The following SCAPER variants were observed in gnomAD, a reference collection of about 807,000 sequenced individuals.
The protein encoded by SCAPER is S phase cyclin A-associated protein in the endoplasmic reticulum.
A neutral mutation model predicts 182.2 loss-of-function variants in SCAPER; 98 were observed. The observed-to-expected ratio is 0.54, with a 90% CI of 0.46 to 0.64. The LOEUF is 0.64. Among genes scored for constraint, SCAPER ranks in the 30% least tolerant of loss-of-function variants. The pLI is 0.00. For missense variants in SCAPER, 1,432 were observed against 1,690.0 expected (o/e 0.85, Z 2.68); for synonymous variants, 605 against 564.6 (o/e 1.07, Z -1.01).
rs548369245 is a variant in SCAPER at position 76,653,636 on chromosome 15, T to G, written c.2645+12017A>C. On this transcript the variant is annotated intron_variant, in intron 21 of 31. Transcript: ENST00000563290. ...GAATTCCCCATTCGATAAATGGTGGTGGAATAACTGAATAGCCATATGCAG... is the reference window on the plus strand; with the variant it reads ...GAATTCCCCATTCGATAAATGGTGGGGGAATAACTGAATAGCCATATGCAG... Among the ~76,000 whole-genome samples the G allele has an allele frequency of 7.2e-5, 11 of 152,212 alleles. No homozygotes were observed. The East Asian group carries it at 2.1e-3, about 29-fold the overall frequency.
intron 21 of SCAPER, among the ~76,000 whole-genome samples, chr15:76,654,538 AC>A (rs2055456245): frequency 6.6e-6 from 1 of 152,228 alleles, no homozygotes; most frequent in Non-Finnish European, 1.5e-5. Context: ...AATTAGTTCA[AC>A]CACTGTGGAA....
chr15:76,652,066 T>C (rs2055096984), intron 21 of SCAPER, among the ~76,000 whole-genome samples: 1 of 149,490 alleles, frequency 6.7e-6, no homozygotes, highest in South Asian at 2.1e-4. Context: ...TTTGATAAAA[T>C]CCAACACCCC....
intron 24 of SCAPER, among the ~76,000 whole-genome samples, chr15:76,487,986 T>C (rs2051828163): frequency 1.3e-5 from 2 of 152,182 alleles, no homozygotes; most frequent in Non-Finnish European, 1.5e-5. Context: ...TGGTCAATGT[T>C]TCTAGACCTT....
At chr15:76,888,097 G>C (rs2073953459) in intron 1 of SCAPER, among the ~76,000 whole-genome samples, 1 of 152,234 alleles carries the variant, frequency 6.6e-6, no homozygotes, top group Non-Finnish European at 1.5e-5. Flanking sequence ...CTGACTGTTA[G>C]AAGGAAAACT....
chr15:76,460,861 T>C (rs1422009825), intron 25 of SCAPER, among the ~76,000 whole-genome samples: 1 of 152,138 alleles, frequency 6.6e-6, no homozygotes, highest in African/African-American at 2.4e-5. Context: ...TCTCTTAGCT[T>C]TCCTTAATGT....
chr15:76,651,132 T>A (rs1267821769), intron 21 of SCAPER, among the ~76,000 whole-genome samples: 1 of 151,394 alleles, frequency 6.6e-6, no homozygotes, highest in African/African-American at 2.4e-5. Context: ...AAATATGAAG[T>A]AAATACAAGT....
chr15:76,675,897 TTAC>T (rs1184130614), intron 20 of SCAPER, among the ~76,000 whole-genome samples: 2 of 152,126 alleles, frequency 1.3e-5, no homozygotes, highest in East Asian at 3.9e-4. Context: ...TGATCTCAGC[TTAC>T]TACAACCTCC....
At chr15:76,890,984 C>T (rs1284605091) in intron 1 of SCAPER, among the ~76,000 whole-genome samples, 1 of 152,214 alleles carries the variant, frequency 6.6e-6, no homozygotes, top group Non-Finnish European at 1.5e-5. Context: ...ATCAAGTCGG[C>T]TTCATCCCTG....
At chr15:76,470,082 T>C (rs766583522) in intron 25 of SCAPER, among the ~76,000 whole-genome samples, 2 of 152,178 alleles carry the variant, frequency 1.3e-5, no homozygotes, top group African/African-American at 2.4e-5. Flanking sequence ...AATGTCAATA[T>C]GTCTGACTGT....
chr15:76,375,108 C>T (rs967803000), intron 29 of SCAPER, among the ~76,000 whole-genome samples: 1 of 149,492 alleles, frequency 6.7e-6, no homozygotes, highest in South Asian at 2.1e-4. Flanking sequence ...GACCCAACTA[C>T]TCAGGAGGCT....
intron 21 of SCAPER, among the ~76,000 whole-genome samples, chr15:76,641,564 C>T (rs750432493): frequency 7.2e-5 from 11 of 152,090 alleles, no homozygotes; most frequent in East Asian, 1.9e-4. Flanking sequence ...CGATGCATTG[C>T]GGGCTGCTGG....
chr15:76,902,657 C>T (rs139293556), intron 1 of SCAPER, among the ~76,000 whole-genome samples: 99 of 152,282 alleles, frequency 6.5e-4, no homozygotes, highest in African/African-American at 2.2e-3. Flanking sequence ...TATTAAACTT[C>T]CCCCTAAATA....
At chr15:76,416,371 C>T (rs999273227) in intron 26 of SCAPER, among the ~76,000 whole-genome samples, 5 of 151,326 alleles carry the variant, frequency 3.3e-5, no homozygotes, top group Non-Finnish European at 7.4e-5. Context: ...TGCTTGTAAT[C>T]CCAGCTACTC....
intron 26 of SCAPER, among the ~76,000 whole-genome samples, chr15:76,431,340 C>T (rs2046843898): frequency 1.3e-5 from 2 of 152,112 alleles, no homozygotes. Context: ...GGTGGCCATA[C>T]TTTGAATTGA....
chr15:76,371,307 T>TTC (rs768693574), intron 29 of SCAPER, among the ~76,000 whole-genome samples: 1 of 151,472 alleles, frequency 6.6e-6, no homozygotes, highest in African/African-American at 2.4e-5. Context: ...CTTATAATAT[T>TTC]TCTCTCTCTC....
chr15:76,764,991 T>C lies in SCAPER; in HGVS notation c.1695A>G (p.Lys565=), dbSNP rs2063024117. 1 of 1,600,878 alleles carries C rather than the reference T, an allele frequency of 6.2e-7. No homozygotes were observed. The highest frequency in any genetic ancestry group is 1.7e-5 in the Admixed American group (1 of 58,078). ...QQLREKLREE[K]TLKLQKLLER... is the part of the protein sequence containing the mutation. ...CTAACAATTTCTGAAGCTTCAATGT[T>C]TTCTCTTCGCGTAACTTTTCCCTTA... Residue 565 remains lysine, a synonymous_variant, in exon 14 of 32, where the codon AAA becomes AAG. Coordinates refer to ENST00000563290, the MANE Select transcript of SCAPER (RefSeq NM_020843.4).
rs71143324 is a variant in SCAPER at position 76,428,894 on chromosome 15, A to ATATATATATATATATATATAT, written c.3311+5183_3311+5184insATATATATATATATATATATA. ...TATATATATATATATATATATATAT[A>ATATATATATATATATATATAT]AACATCAAAATGTACTCAGTAAGTT... On this transcript the variant is annotated intron_variant, in intron 26 of 31. Coordinates refer to ENST00000563290, the MANE Select transcript of SCAPER (RefSeq NM_020843.4). Among the ~76,000 whole-genome samples, 498 of 137,736 alleles carry ATATATATATATATATATATAT rather than the reference A, an allele frequency of 3.6e-3. 1 individual carries two copies. Among genetic ancestry groups the ATATATATATATATATATATAT allele is most frequent in the East Asian group, 4.9e-3 (22 of 4,518 alleles). 90.4% of individuals were successfully genotyped at this position (137,736 alleles called of 152,430 possible).
In SCAPER at chr15:76,667,972, C is replaced by CA. The variant is rs1411281851; in HGVS notation, c.2509-2184dup. 3.7e-4 allele frequency among the ~76,000 whole-genome samples: 54 copies of CA among 147,366 alleles called. No individual in the cohort carries two copies. In the East Asian group the frequency reaches 6.1e-3, roughly 17 times the overall value. On this transcript the variant is annotated intron_variant, in intron 20 of 31. Coordinates refer to ENST00000563290, the MANE Select transcript of SCAPER (RefSeq NM_020843.4). ...GGCAAGACTGTCTTTAAAAAAAAAA[C>CA]AAAAAAAAGTCTCCTCAAAATCTCC... is the stretch of plus-strand genomic sequence containing the variant.
At chr15:76,675,688 G>A (rs1198424362) in intron 20 of SCAPER, among the ~76,000 whole-genome samples, 2 of 152,150 alleles carry the variant, frequency 1.3e-5, no homozygotes, top group African/African-American at 4.8e-5. Context: ...ACACTAACAG[G>A]ATCCATATAC....
Sources: gnomAD v4.1 joint callset for allele counts (sites outside exome capture counted in the v4.1 genomes callset) on GRCh38, gnomAD v4.1.1 for gene constraint, MANE v1.5 for transcripts, NCBI Gene and HGNC (gene_info 2026-07-23, HGNC 2026-07-21) for gene names.